ANKRD30B: variants seen among roughly 807,000 people sequenced by gnomAD.
ANKRD30B encodes the protein ankyrin repeat domain 30B.
Under a neutral mutation model 202.2 loss-of-function variants are expected in ANKRD30B, and 144 were observed. The observed-to-expected ratio is 0.71, with a 90% CI of 0.62 to 0.82. The LOEUF (loss-of-function observed/expected upper bound fraction) is 0.82, where lower values mean the gene tolerates loss of function less well. ANKRD30B is among the 40% of genes least tolerant of loss of function. The probability of loss-of-function intolerance (pLI) is 0.00; values close to 1 mark genes in which losing one functional copy is unlikely to be tolerated. For missense variants in ANKRD30B, 1,487 were observed against 1,669.1 expected, an observed-to-expected ratio of 0.89 and a Z score of 1.90; for synonymous variants, 508 against 561.3, an observed-to-expected ratio of 0.91 and a Z score of 1.34.
chr18:14,919,841 A>T, the ANKRD30B span, among the ~76,000 whole-genome samples: 1 of 152,208 alleles, frequency 6.6e-6, no homozygotes, highest in Admixed American at 6.5e-5. Flanking sequence ...TAAATGTTTA[A>T]AAACGTTCTG....
chr18:14,907,289 G>A, the ANKRD30B span, among the ~76,000 whole-genome samples: 2 of 151,484 alleles, frequency 1.3e-5, no homozygotes, highest in African/African-American at 4.9e-5. Context: ...TTTATTTTTG[G>A]TTTATATTCC....
intron 6 of ANKRD30B, among the ~76,000 whole-genome samples, chr18:14,761,168 A>C (rs2143708942): frequency 6.6e-6 from 1 of 152,304 alleles, no homozygotes; most frequent in Non-Finnish European, 1.5e-5. Flanking sequence ...ATAACAGAAA[A>C]CTGTAACATT....
chr18:14,860,077 CAA>C, the ANKRD30B span, among the ~76,000 whole-genome samples: 3 of 129,416 alleles, frequency 2.3e-5, no homozygotes, highest in Admixed American at 7.8e-5. Flanking sequence ...ACCTCCCAGA[CAA>C]TGGGCGGCCA....
chr18:14,769,269 C>T, intron 7 of ANKRD30B, 74 bp from the exon 8 acceptor site: 2 of 1,211,308 alleles, frequency 1.7e-6, no homozygotes, highest in Non-Finnish European at 1.2e-6. Context: ...ATCGTGCCCT[C>T]TTACGTTGTT....
intron 9 of ANKRD30B, among the ~76,000 whole-genome samples, chr18:14,774,483 G>T (rs186572527): frequency 6.6e-6 from 1 of 152,098 alleles, no homozygotes; most frequent in Non-Finnish European, 1.5e-5. Context: ...TTTCTATTTA[G>T]TGGCTATGTA....
chr18:14,836,677 A>G (rs540611203), intron 34 of ANKRD30B, among the ~76,000 whole-genome samples: 2 of 152,232 alleles, frequency 1.3e-5, no homozygotes, highest in East Asian at 3.9e-4. Flanking sequence ...GGTGATATAT[A>G]TCTTATATGG....
chr18:14,761,980 T>C (rs1416180597), intron 6 of ANKRD30B, among the ~76,000 whole-genome samples: 1 of 152,182 alleles, frequency 6.6e-6, no homozygotes, highest in East Asian at 1.9e-4. Context: ...ATTGAAAGCA[T>C]AAACAGTCAA....
At chr18:14,794,932 AG>A in intron 16 of ANKRD30B, among the ~76,000 whole-genome samples, 1 of 152,314 alleles carries the variant, frequency 6.6e-6, no homozygotes, top group Admixed American at 6.5e-5. Context: ...ATTTGATGAA[AG>A]GAGATATATT....
Position 14,748,194 on chromosome 18 carries a change from G to T in ANKRD30B, c.-226G>T, listed in dbSNP as rs73427532. 7.1e-3 allele frequency: 3,088 copies of T among 437,806 alleles called. 89 individuals carry two copies. The highest frequency in any genetic ancestry group is 0.057 in the African/African-American group (2,857 of 49,850). The allele number at this position is 437,806 out of a possible 1,614,324, so 27.1% of individuals were successfully genotyped here. A position where few individuals can be genotyped will look rare whatever the true frequency, so the allele number is the denominator to read the frequency against. Reference sequence around the variant, plus strand: ...GCTGTAACGCTCTAACGTTAGAGCAGCTAACGGCTCTGCTCAGAATTTCTC... The same window carrying T: ...GCTGTAACGCTCTAACGTTAGAGCATCTAACGGCTCTGCTCAGAATTTCTC... On this transcript the variant is annotated 5_prime_UTR_variant, in exon 1 of 44. Transcript: ENST00000690538.
chr18:14,873,076 A>G, the ANKRD30B span, among the ~76,000 whole-genome samples: 1 of 152,190 alleles, frequency 6.6e-6, no homozygotes, highest in African/African-American at 2.4e-5. Flanking sequence ...AGATACATAA[A>G]TACTTTGCAG....
At chr18:14,806,966 G>C (rs538455358) in intron 24 of ANKRD30B, among the ~76,000 whole-genome samples, 1 of 150,906 alleles carries the variant, frequency 6.6e-6, no homozygotes, top group Non-Finnish European at 1.5e-5. Context: ...CCTTCTCATC[G>C]TAATTAAAGC....
chr18:14,844,797 C>A (rs1971565757), intron 39 of ANKRD30B, among the ~76,000 whole-genome samples: 1 of 152,130 alleles, frequency 6.6e-6, no homozygotes, highest in Admixed American at 6.5e-5. Context: ...GAGATGGTAT[C>A]TCATTGTGGT....
chr18:14,894,519 G>C, the ANKRD30B span, among the ~76,000 whole-genome samples: 1 of 151,828 alleles, frequency 6.6e-6, no homozygotes, highest in African/African-American at 2.4e-5. Flanking sequence ...ATATGGCTGT[G>C]CTAGCATGAT....
the ANKRD30B span, among the ~76,000 whole-genome samples, chr18:14,925,260 G>C: frequency 1.3e-5 from 2 of 152,176 alleles, no homozygotes; most frequent in African/African-American, 4.8e-5. Flanking sequence ...GCACTGAGCT[G>C]GCCTGAACTT....
chr18:14,791,581 T>C, intron 16 of ANKRD30B, 90 bp downstream of exon 16: 1 of 1,006,704 alleles, frequency 9.9e-7, no homozygotes, highest in Non-Finnish European at 1.5e-6. Context: ...TGAAGAAAAT[T>C]ACCTCCTTAA....
chr18:14,793,140 A>T (rs1368708955), intron 16 of ANKRD30B, among the ~76,000 whole-genome samples: 1 of 152,168 alleles, frequency 6.6e-6, no homozygotes, highest in Non-Finnish European at 1.5e-5. Flanking sequence ...AATTACAAAA[A>T]TGTTGGATAC....
At chr18:14,754,616 C>G (rs1914035310) in intron 3 of ANKRD30B, among the ~76,000 whole-genome samples, 1 of 151,986 alleles carries the variant, frequency 6.6e-6, no homozygotes, top group Non-Finnish European at 1.5e-5. Flanking sequence ...CAGCCCTTGC[C>G]CTCATGAAGC....
At chr18:14,875,825 G>A in the ANKRD30B span, among the ~76,000 whole-genome samples, 2 of 152,104 alleles carry the variant, frequency 1.3e-5, no homozygotes, top group Non-Finnish European at 2.9e-5. Context: ...TATAGCGGTG[G>A]TACCATAGAG....
rs545172178 is a variant in ANKRD30B at position 14,748,713 on chromosome 18, T to G, written c.221+73T>G. ...TGGGAGGATCGCCCCTTCAGAGTGG[T>G]GGCTGGGGGTCCTGGGGACGAGGGG... On this transcript the variant is annotated intron_variant, in intron 1 of 43. Coordinates refer to ENST00000690538, the MANE Select transcript of ANKRD30B (RefSeq NM_001367607.2). 2,279 of 1,387,752 alleles carry G rather than the reference T, an allele frequency of 1.6e-3. 36 individuals carry two copies. In the African/African-American group the frequency reaches 0.028, roughly 17 times the overall value. The allele number at this position is 1,387,752 out of a possible 1,614,324, so 86.0% of individuals were successfully genotyped here. A position where few individuals can be genotyped will look rare whatever the true frequency, so the allele number is the denominator to read the frequency against.
Sources: gnomAD v4.1 joint callset for allele counts (sites outside exome capture counted in the v4.1 genomes callset) on GRCh38, gnomAD v4.1.1 for gene constraint, MANE v1.5 for transcripts, NCBI Gene and HGNC (gene_info 2026-07-23, HGNC 2026-07-21) for gene names.